Variants in BCAS4 observed in about 807,000 individuals in gnomAD.
BCAS4 encodes breast carcinoma-amplified sequence 4.
A neutral mutation model predicts 15.7 loss-of-function variants in BCAS4; 9 were observed. The observed-to-expected ratio is 0.57, with a 90% confidence interval of 0.34 to 1.00. BCAS4 has a LOEUF of 1.00. Ranked by LOEUF, BCAS4 falls within the 50% of genes least tolerant of loss-of-function variation. BCAS4 has a pLI of 0.02. For synonymous variants in BCAS4, 101 were observed against 99.5 expected (o/e 1.02, Z -0.09); for missense variants, 225 against 239.1 (o/e 0.94, Z 0.39).
upstream of BCAS4, chr20:50,795,002 G>C (rs1004681929): frequency 1.5e-6 from 2 of 1,347,278 alleles, no homozygotes; most frequent in Non-Finnish European, 1.9e-6. Context: ...GCATGCAGCG[G>C]ACCGGGGGCG....
At chr20:50,800,458 C>T (rs2087913389) in intron 1 of BCAS4, among the ~76,000 whole-genome samples, 2 of 151,428 alleles carry the variant, frequency 1.3e-5, no homozygotes, top group Non-Finnish European at 2.9e-5. Context: ...TGCTGAGGGG[C>T]GGTGCCTTGA....
intron 2 of BCAS4, among the ~76,000 whole-genome samples, chr20:50,823,595 G>A (rs2088243159): frequency 6.6e-6 from 1 of 152,166 alleles, no homozygotes; most frequent in South Asian, 2.1e-4. Context: ...GACAAAGTGG[G>A]AGGGTTGCTT....
At chr20:50,796,602 C>A (rs1360800661) in intron 1 of BCAS4, among the ~76,000 whole-genome samples, 1 of 135,488 alleles carries the variant, frequency 7.4e-6, no homozygotes, top group Non-Finnish European at 1.5e-5. Context: ...TCAAGGAATT[C>A]TCCTGCCTCA....
rs575805838 is a variant in BCAS4, at chr20:50,818,810, A to T, written c.162+528A>T. On this transcript the variant is annotated intron_variant, in intron 2 of 4. Transcript: ENST00000371608. ...CCTCCTACTCTGTCTGGTTGGCCCAAATCTACTAGCCTGGCTGAGGAGGAA... is the reference window on the plus strand; with the variant it reads ...CCTCCTACTCTGTCTGGTTGGCCCATATCTACTAGCCTGGCTGAGGAGGAA... Among the ~76,000 whole-genome samples, 4 of 152,296 alleles carry T rather than the reference A, an allele frequency of 2.6e-5. No homozygotes were observed. In the East Asian group the frequency reaches 7.7e-4, roughly 29 times the overall value.
chr20:50,876,580 A>G lies in BCAS4; in HGVS notation c.494A>G (p.His165Arg), dbSNP rs1216604793. ...GTGGACGCCGGGGAAGCACAGCACCACCCCCGCACCTGCCCTCGGCCTTTG... is the reference window on the plus strand; with the variant it reads ...GTGGACGCCGGGGAAGCACAGCACCGCCCCCGCACCTGCCCTCGGCCTTTG... Reference protein sequence around the residue: ...FPVDAGEAQHHPRTCPRPL With the variant: ...FPVDAGEAQHRPRTCPRPL The change falls in exon 5 of 5, where the codon CAC (histidine) becomes CGC (arginine). Residue 165 changes from histidine (H) to arginine (R), a missense_variant. Physicochemically the swap from His to Arg is conservative, Grantham distance 29. Coordinates refer to ENST00000371608, the MANE Select transcript of BCAS4 (RefSeq NM_198799.4). 7 of 1,613,484 alleles carry G rather than the reference A, an allele frequency of 4.3e-6. No homozygotes were observed. The African/African-American group carries it at 9.4e-5, about 22-fold the overall frequency.
chr20:50,844,692 G>A (rs968939301), intron 4 of BCAS4, among the ~76,000 whole-genome samples: 1 of 152,142 alleles, frequency 6.6e-6, no homozygotes, highest in African/African-American at 2.4e-5. Flanking sequence ...TGGAATCCAG[G>A]CCTGTGGGGT....
At chr20:50,809,538 T>C (rs1168030150) in intron 1 of BCAS4, among the ~76,000 whole-genome samples, 3 of 152,226 alleles carry the variant, frequency 2.0e-5, no homozygotes, top group African/African-American at 7.2e-5. Context: ...TCAGGTAATG[T>C]GATGCCTCCA....
chr20:50,838,041 C>T (rs1329727366), intron 3 of BCAS4, among the ~76,000 whole-genome samples: 2 of 151,180 alleles, frequency 1.3e-5, no homozygotes, highest in Non-Finnish European at 2.9e-5. Flanking sequence ...CTGATTCAGC[C>T]TTTCAGCCCT....
At chr20:50,823,995 T>C (rs988666518) in intron 2 of BCAS4, among the ~76,000 whole-genome samples, 3 of 152,088 alleles carry the variant, frequency 2.0e-5, no homozygotes, top group Non-Finnish European at 2.9e-5. Context: ...TAATTTTTAT[T>C]ATAATATTAT....
chr20:50,815,185 C>T (rs568346294), intron 1 of BCAS4, among the ~76,000 whole-genome samples: 1 of 152,276 alleles, frequency 6.6e-6, no homozygotes, highest in East Asian at 1.9e-4. Flanking sequence ...GTAAGGTGAA[C>T]CCAGAAGTGC....
intron 3 of BCAS4, among the ~76,000 whole-genome samples, chr20:50,837,377 A>C (rs62205168): frequency 0.18 from 27,354 of 152,096 alleles, 3,783 homozygotes; most frequent in African/African-American, 0.39. Flanking sequence ...ACTTGAGCGC[A>C]GGAGTTCAAG....
upstream of BCAS4, chr20:50,795,039 G>A (rs974174146): frequency 9.0e-6 from 13 of 1,439,572 alleles, no homozygotes; most frequent in African/African-American, 1.6e-4. Context: ...GCGCAACCAC[G>A]GGCTCCCAGG....
At chr20:50,806,995 C>T (rs1363299303) in intron 1 of BCAS4, among the ~76,000 whole-genome samples, 6 of 150,716 alleles carry the variant, frequency 4.0e-5, no homozygotes, top group African/African-American at 1.5e-4. Flanking sequence ...TCTCAGCCTC[C>T]CAAATAGCTG....
At chr20:50,866,174 G>A (rs113621294) in intron 4 of BCAS4, among the ~76,000 whole-genome samples, 405 of 152,300 alleles carry the variant, frequency 2.7e-3, no homozygotes, top group African/African-American at 9.1e-3. Context: ...CCTCACTCAC[G>A]GCTCTTGTAA....
intron 3 of BCAS4, among the ~76,000 whole-genome samples, chr20:50,834,421 G>A (rs1466872200): frequency 2.7e-5 from 4 of 148,606 alleles, no homozygotes; most frequent in African/African-American, 5.0e-5. Flanking sequence ...TCAGCCTCCC[G>A]AGTAGCTGGG....
chr20:50,873,467 T>C (rs748074834), intron 4 of BCAS4, among the ~76,000 whole-genome samples: 4 of 152,202 alleles, frequency 2.6e-5, no homozygotes, highest in Admixed American at 6.5e-5. Flanking sequence ...TGTGTCAGGA[T>C]GAGAGGGGCG....
Position 50,859,464 on chromosome 20 carries a change from T to A in BCAS4, c.400-17022T>A, listed in dbSNP as rs557230246. Reference sequence around the variant, plus strand: ...CTGTAAGGAAGGGAAAGGAGAGGTGTCTGAGGAGGAGGAGACAGGGGCCAG... The same window carrying A: ...CTGTAAGGAAGGGAAAGGAGAGGTGACTGAGGAGGAGGAGACAGGGGCCAG... On this transcript the variant is annotated intron_variant, in intron 4 of 4. Transcript: ENST00000371608. Among the ~76,000 whole-genome samples, 15 of 151,796 alleles carry A rather than the reference T, an allele frequency of 9.9e-5. 1 individual carries two copies. In the South Asian group the frequency reaches 3.1e-3, roughly 32 times the overall value.
chr20:50,803,455 G>A (rs867678235), intron 1 of BCAS4, among the ~76,000 whole-genome samples: 3 of 152,130 alleles, frequency 2.0e-5, no homozygotes, highest in East Asian at 1.9e-4. Flanking sequence ...TCAGTTTCTC[G>A]GGTGGGGTGG....
chr20:50,831,927 ATAAT>A (rs1246851612), intron 3 of BCAS4, among the ~76,000 whole-genome samples: 2 of 152,268 alleles, frequency 1.3e-5, no homozygotes, highest in African/African-American at 4.8e-5. Flanking sequence ...AAGCAGGAAT[ATAAT>A]TAAAACTTTG....
Sources: allele counts gnomAD v4.1 joint callset (sites outside exome capture counted in the v4.1 genomes callset), GRCh38; gene constraint gnomAD v4.1.1; transcripts MANE v1.5; gene names NCBI Gene and HGNC (gene_info 2026-07-23, HGNC 2026-07-21).